The following MAPK6 variants were observed in gnomAD, a reference collection of about 807,000 sequenced individuals.
MAPK6 encodes the protein ERK-3.
MAPK6 carries 19 observed loss-of-function variants against 59.3 expected under a neutral mutation model. That is an observed-to-expected ratio of 0.32 (90% CI 0.22 to 0.47). The LOEUF (loss-of-function observed/expected upper bound fraction) is 0.47, where lower values mean the gene tolerates loss of function less well. Ranked by LOEUF, MAPK6 falls within the 20% of genes least tolerant of loss-of-function variation. MAPK6 has a pLI of 1.00. For missense variants in MAPK6, 724 were observed against 847.9 expected (o/e 0.85, Z 1.81); for synonymous variants, 316 against 290.3 (o/e 1.09, Z -0.90).
chr15:52,024,973 C>T lies in MAPK6; in HGVS notation c.-632+5597C>T, dbSNP rs189702572. Among the ~76,000 whole-genome samples the T allele has an allele frequency of 1.6e-4, 23 of 145,874 alleles. No homozygotes were observed. The East Asian group carries it at 4.1e-3, about 26-fold the overall frequency. ...TGGCCTCCTAACGTGCTGGGAAGAA[C>T]CTGCATTTTAACAAGATTTTCAAGT... On this transcript the variant is annotated intron_variant, in intron 1 of 5. Transcript: ENST00000261845.
At chr15:51,983,402 C>A (rs766231765) in intron 2 of MAPK6, among the ~76,000 whole-genome samples, 26 of 152,044 alleles carry the variant, frequency 1.7e-4, no homozygotes, top group Admixed American at 6.6e-4. Flanking sequence ...TCACTTGGAC[C>A]CAGGAGGCGG....
chr15:51,981,308 C>G (rs927594330), intron 1 of MAPK6, among the ~76,000 whole-genome samples: 1 of 151,676 alleles, frequency 6.6e-6, no homozygotes, highest in Non-Finnish European at 1.5e-5. Context: ...CCCGTCTCTA[C>G]TAAAAATACA....
chr15:52,033,832 T>G (rs1280557797), intron 1 of MAPK6: 2 of 151,482 alleles, frequency 1.3e-5, no homozygotes, highest in Non-Finnish European at 2.9e-5. Context: ...GGTTGATAGT[T>G]TTTTTTTTCT....
intron 1 of MAPK6, among the ~76,000 whole-genome samples, chr15:52,024,402 C>CT (rs1197373755): frequency 1.7e-3 from 232 of 139,204 alleles, no homozygotes; most frequent in South Asian, 4.1e-3. Context: ...TTTTCTTTTT[C>CT]TTTTTTTTTT....
intron 3 of MAPK6, chr15:52,056,976 T>C (rs1039411471): frequency 6.6e-6 from 1 of 152,188 alleles, no homozygotes; most frequent in African/African-American, 2.4e-5. Flanking sequence ...GCCCCTGATA[T>C]TTCTTCCTCA....
chr15:52,024,402 C>CTTT (rs1197373755), intron 1 of MAPK6, among the ~76,000 whole-genome samples: 2,063 of 139,226 alleles, frequency 0.015, 21 homozygotes, highest in African/African-American at 0.029. Context: ...TTTTCTTTTT[C>CTTT]TTTTTTTTTT....
At chr15:51,972,271 T>A (rs888387706) in intron 1 of MAPK6, among the ~76,000 whole-genome samples, 2 of 152,058 alleles carry the variant, frequency 1.3e-5, no homozygotes, top group African/African-American at 4.8e-5. Flanking sequence ...CCCGAGTAGC[T>A]GGGACGACAG....
At chr15:52,021,431 A>G (rs574496102) in intron 1 of MAPK6, 2 of 148,834 alleles carry the variant, frequency 1.3e-5, no homozygotes, top group East Asian at 3.9e-4. Context: ...TCCTGTCCAC[A>G]TTGAAATTCT....
chr15:51,983,510 A>AC (rs113707929), intron 2 of MAPK6, among the ~76,000 whole-genome samples: 5,112 of 148,362 alleles, frequency 0.034, 281 homozygotes, highest in African/African-American at 0.12. Context: ...GACAACAACA[A>AC]AAAAAAACAG....
intron 3 of MAPK6, among the ~76,000 whole-genome samples, chr15:52,050,678 T>C (rs1369141353): frequency 6.6e-6 from 1 of 152,194 alleles, no homozygotes; most frequent in East Asian, 1.9e-4. Flanking sequence ...GCTGTAAACT[T>C]AGAGAAGCTA....
At chr15:51,972,589 C>G (rs2057136995) in intron 1 of MAPK6, among the ~76,000 whole-genome samples, 1 of 147,192 alleles carries the variant, frequency 6.8e-6, no homozygotes, top group South Asian at 2.1e-4. Context: ...TTTGGGAGGC[C>G]GAGGCGGGTG....
At chr15:52,036,553 T>G (rs1249067572) in intron 1 of MAPK6, among the ~76,000 whole-genome samples, 2 of 152,120 alleles carry the variant, frequency 1.3e-5, no homozygotes, top group African/African-American at 4.8e-5. Context: ...CCCATCTGCT[T>G]CTTACTAGTG....
In MAPK6 at chr15:52,066,473, T is replaced by C. The variant is rs140689993; in HGVS notation, c.*1473T>C. 2 of 152,246 alleles carry C rather than the reference T, an allele frequency of 1.3e-5. No individual in the cohort carries two copies. Among genetic ancestry groups the C allele is most frequent in the South Asian group, 4.1e-4 (2 of 4,834 alleles). 9.4% of individuals were successfully genotyped at this position (152,246 alleles called of 1,614,324 possible). Reference sequence around the variant, plus strand: ...AAAATGTGTAGTTGAAACTTTGAACTGTGCAGTCAGAAAACTTGAGATTTG... The same window carrying C: ...AAAATGTGTAGTTGAAACTTTGAACCGTGCAGTCAGAAAACTTGAGATTTG... On this transcript the variant is annotated 3_prime_UTR_variant, in exon 6 of 6. Transcript: ENST00000261845.
At position 52,064,234 on chromosome 15, in the gene MAPK6, A is replaced by G. The variant is rs765007291; in HGVS notation, c.1400A>G (p.Tyr467Cys). Reference sequence around the variant, plus strand: ...TGGAGAGAGAGTGAAGTTAACCATTACTATGAACCCAAGCTTATTATAGAT... The same window carrying G: ...TGGAGAGAGAGTGAAGTTAACCATTGCTATGAACCCAAGCTTATTATAGAT... Reference protein sequence around the residue: ...LVWRESEVNHYYEPKLIIDLS... With the variant: ...LVWRESEVNHCYEPKLIIDLS... The change falls in exon 6 of 6, where the codon TAC becomes TGC. Residue 467 changes from tyrosine to cysteine, a missense_variant. Physicochemically the swap from Tyr to Cys is radical, Grantham distance 194 (BLOSUM62 -2). This residue lies in a region of MAPK6 where 502 missense variants were observed against 507.6 expected (regional missense o/e 0.99). Coordinates refer to ENST00000261845, the MANE Select transcript of MAPK6 (RefSeq NM_002748.4). The G allele has an allele frequency of 3.1e-6, 5 of 1,611,542 alleles. No homozygotes were observed. Among genetic ancestry groups the G allele is most frequent in the South Asian group, 1.1e-5 (1 of 90,918 alleles).
At chr15:52,031,176 G>A (rs1420063472) in intron 1 of MAPK6, among the ~76,000 whole-genome samples, 3 of 151,904 alleles carry the variant, frequency 2.0e-5, no homozygotes, top group Non-Finnish European at 2.9e-5. Context: ...GAAGTGATCC[G>A]CCCACCTTGT....
chr15:52,049,183 A>G (rs1198518327), intron 2 of MAPK6, among the ~76,000 whole-genome samples: 1 of 152,150 alleles, frequency 6.6e-6, no homozygotes, highest in Non-Finnish European at 1.5e-5. Flanking sequence ...AATAGGATTT[A>G]TAGTAGAGGT....
At chr15:52,027,657 G>A (rs924100965) in intron 1 of MAPK6, 1 of 135,998 alleles carries the variant, frequency 7.4e-6, no homozygotes, top group Non-Finnish European at 1.5e-5. Context: ...TCCCTGTGTT[G>A]CCCAGGCTGG....
At chr15:52,011,183 T>G (rs1469612856) in intron 3 of MAPK6, 1 of 152,198 alleles carries the variant, frequency 6.6e-6, no homozygotes, top group Non-Finnish European at 1.5e-5. Context: ...GTTTCAACTC[T>G]CGTACTGTAA....
intron 3 of MAPK6, among the ~76,000 whole-genome samples, chr15:52,007,667 T>C (rs1344666927): frequency 6.7e-6 from 1 of 149,766 alleles, no homozygotes; most frequent in Non-Finnish European, 1.5e-5. Context: ...TGCACCAATG[T>C]ACTCCAGCCT....
Sources: allele counts gnomAD v4.1 joint callset (sites outside exome capture counted in the v4.1 genomes callset), GRCh38; gene constraint gnomAD v4.1.1; regional missense constraint gnomAD v4.1.1; transcripts MANE v1.5; gene names NCBI Gene and HGNC (gene_info 2026-07-23, HGNC 2026-07-21).